Variants in COL17A1 observed in about 807,000 individuals in gnomAD.
COL17A1 encodes the protein collagen type XVII alpha 1 chain.
COL17A1 carries 181 observed loss-of-function variants against 218.4 expected under a neutral mutation model. The observed-to-expected ratio is 0.83, with a 90% CI of 0.73 to 0.94. The LOEUF is 0.94. Among genes scored for constraint, COL17A1 ranks in the 40% least tolerant of loss-of-function variants. The pLI is 0.00. For missense variants in COL17A1, 1,924 were observed against 1,945.9 expected (o/e 0.99, Z 0.21); for synonymous variants, 721 against 731.0 (o/e 0.99, Z 0.22).
chr10:104,050,203 G>A lies in COL17A1; in HGVS notation c.2129-79C>T, dbSNP rs1036765798. 8.8e-6 allele frequency: 14 copies of A among 1,596,270 alleles called. 1 individual carries two copies. Among genetic ancestry groups the A allele is most frequent in the South Asian group, 3.4e-5 (3 of 89,154 alleles). On this transcript the variant is annotated intron_variant, in intron 27 of 55. Transcript: ENST00000648076. Reference sequence around the variant, plus strand: ...ACTCTCACCCAGTAACAGGGTCCCCGGCTGCAGGGTAGTTCTCACTGTATC... The same window carrying A: ...ACTCTCACCCAGTAACAGGGTCCCCAGCTGCAGGGTAGTTCTCACTGTATC...
At chr10:104,084,866 C>G (rs145647856) in intron 1 of COL17A1, among the ~76,000 whole-genome samples, 1 of 152,294 alleles carries the variant, frequency 6.6e-6, no homozygotes, top group Non-Finnish European at 1.5e-5. Flanking sequence ...AAAAATCTTG[C>G]TACGTTTTAC....
In COL17A1 at chr10:104,039,053, G is replaced by C. The variant is rs759186516; in HGVS notation, c.2947+18C>G. The C allele has an allele frequency of 6.2e-7, 1 of 1,613,478 alleles. No homozygotes were observed. The highest frequency in any genetic ancestry group is 8.5e-7 in the Non-Finnish European group (1 of 1,179,422). ...CCAGAAGAAGTGGAGAGGAACTTTG[G>C]TCACTTTCAGTTCTTACCTTCAGAA... On this transcript the variant is annotated intron_variant, in intron 44 of 55. Coordinates refer to ENST00000648076, the MANE Select transcript of COL17A1 (RefSeq NM_000494.4).
chr10:104,046,154 C>T (rs1048802755), intron 32 of COL17A1, among the ~76,000 whole-genome samples: 1 of 152,230 alleles, frequency 6.6e-6, no homozygotes, highest in African/African-American at 2.4e-5. Flanking sequence ...TGCAGCATCA[C>T]CCTCTTGCCT....
chr10:104,072,014 A>G lies in COL17A1; in HGVS notation c.463+18T>C. On this transcript the variant is annotated intron_variant, in intron 8 of 55. Transcript: ENST00000648076. ...GATTTCTGGACCCTTTCTTTTCAGC[A>G]AGATCATGACCACTTACATCGGGTG... The G allele has an allele frequency of 6.2e-7, 1 of 1,614,034 alleles. No homozygotes were observed. The highest frequency in any genetic ancestry group is 2.2e-5 in the East Asian group (1 of 44,868).
intron 54 of COL17A1, 22 bp downstream of exon 54, chr10:104,032,884 C>A (rs994356121): frequency 1.2e-6 from 2 of 1,614,116 alleles, no homozygotes; most frequent in Non-Finnish European, 1.7e-6. Flanking sequence ...GATCCAGGGA[C>A]TGGCTCTCTG....
intron 9 of COL17A1, among the ~76,000 whole-genome samples, chr10:104,066,647 A>T (rs762675695): frequency 6.6e-6 from 1 of 152,212 alleles, no homozygotes; most frequent in South Asian, 2.1e-4. Flanking sequence ...GCTTGCCTCC[A>T]CTTTACATCT....
intron 55 of COL17A1, 126 bp downstream of exon 55, chr10:104,032,548 G>A (rs939697383): frequency 5.9e-6 from 6 of 1,022,802 alleles, no homozygotes; most frequent in Non-Finnish European, 7.6e-6. Flanking sequence ...GGCAGTGTCT[G>A]CCTGGAGTAA....
In COL17A1 at chr10:104,074,246, A is replaced by C; in HGVS notation, c.332-15T>G. On this transcript the variant is annotated splice_polypyrimidine_tract_variant and intron_variant, in intron 5 of 55. Coordinates refer to ENST00000648076, the MANE Select transcript of COL17A1 (RefSeq NM_000494.4). ...ACTGGAGCTCCCTGGAGAGGGGATG[A>C]AACACTTAGAACAAATGGCCTCTTA... 2 of 1,614,176 alleles carry C rather than the reference A, an allele frequency of 1.2e-6. No individual in the cohort carries two copies. Among genetic ancestry groups the C allele is most frequent in the Admixed American group, 1.7e-5 (1 of 60,026 alleles).
At chr10:104,040,971 G>A in intron 39 of COL17A1, 94 bp downstream of exon 39, 1 of 1,339,072 alleles carries the variant, frequency 7.5e-7, no homozygotes, top group Non-Finnish European at 1.1e-6. Flanking sequence ...AGGAAGCCTG[G>A]TGAGTAGGTT....
At chr10:104,042,280 G>C in intron 36 of COL17A1, 140 bp downstream of exon 36, 1 of 847,878 alleles carries the variant, frequency 1.2e-6, no homozygotes, top group Admixed American at 2.2e-5. Context: ...GCAAGACCCC[G>C]GTGAAGAGCC....
intron 1 of COL17A1, among the ~76,000 whole-genome samples, chr10:104,084,757 T>A (rs1273732591): frequency 6.6e-6 from 1 of 152,212 alleles, no homozygotes; most frequent in Non-Finnish European, 1.5e-5. Context: ...GGGATAGACA[T>A]CTGTCTTAGG....
At chr10:104,069,239 C>T (rs115047720) in intron 9 of COL17A1, among the ~76,000 whole-genome samples, 1,936 of 152,266 alleles carry the variant, frequency 0.013, 41 homozygotes, top group African/African-American at 0.044. Flanking sequence ...ACCACCTCTC[C>T]GGCTGGGTGG....
At chr10:104,064,695 G>T in intron 9 of COL17A1, 99 bp from the exon 10 acceptor site, 1 of 1,151,718 alleles carries the variant, frequency 8.7e-7, no homozygotes, top group Non-Finnish European at 1.3e-6. Flanking sequence ...CCTGGTTTGG[G>T]CATTGAAAGC....
intron 29 of COL17A1, chr10:104,048,332 C>A (rs2086434283): frequency 2.9e-6 from 2 of 685,582 alleles, no homozygotes; most frequent in Non-Finnish European, 5.4e-6. Context: ...AGTGCCTTCC[C>A]ATTGCATCTC....
At chr10:104,051,435 C>T (rs979825370) in intron 25 of COL17A1, 46 bp downstream of exon 25, 5 of 1,612,070 alleles carry the variant, frequency 3.1e-6, no homozygotes, top group South Asian at 1.1e-5. Flanking sequence ...ACATTGCCAC[C>T]TTTGCCCTGG....
chr10:104,048,385 C>G (rs1013191815), intron 29 of COL17A1, among the ~76,000 whole-genome samples: 2 of 152,204 alleles, frequency 1.3e-5, no homozygotes, highest in African/African-American at 4.8e-5. Context: ...ACTTGAGGGC[C>G]TAGAAGTCAA....
chr10:104,065,711 A>G (rs1181854375), intron 9 of COL17A1, among the ~76,000 whole-genome samples: 1 of 152,228 alleles, frequency 6.6e-6, no homozygotes, highest in African/African-American at 2.4e-5. Context: ...GGCTATGCAT[A>G]TGGAATGGGT....
In COL17A1 at chr10:104,050,831, G is replaced by A. The variant is rs758339466; in HGVS notation, c.2092+17C>T. On this transcript the variant is annotated intron_variant, in intron 26 of 55. Transcript: ENST00000648076. ...CATCAGACCCTCACTGTCCCCCCAG[G>A]CCTCCCTCCAGCTTACCTTTGACAC... 12 of 1,613,882 alleles carry A rather than the reference G, an allele frequency of 7.4e-6. No homozygotes were observed. The highest frequency in any genetic ancestry group is 5.0e-5 in the Admixed American group (3 of 59,992).
At chr10:104,047,270 C>CT (rs2086420974) in intron 31 of COL17A1, among the ~76,000 whole-genome samples, 1 of 150,500 alleles carries the variant, frequency 6.6e-6, no homozygotes, top group Admixed American at 6.6e-5. Flanking sequence ...GGTGGAGACT[C>CT]TAACAATGGC....
Sources: gnomAD v4.1 joint callset for allele counts (sites outside exome capture counted in the v4.1 genomes callset) on GRCh38, gnomAD v4.1.1 for gene constraint, MANE v1.5 for transcripts, NCBI Gene and HGNC (gene_info 2026-07-23, HGNC 2026-07-21) for gene names.